The following STXBP2 variants were observed in gnomAD, a reference collection of about 807,000 sequenced individuals.
The protein encoded by STXBP2 is syntaxin binding protein 2, also known as syntaxin-binding protein 2.
A neutral mutation model predicts 72.2 loss-of-function variants in STXBP2; 47 were observed. The ratio of observed to expected loss-of-function variants is 0.65; its 90% CI spans 0.51 to 0.83. The LOEUF (loss-of-function observed/expected upper bound fraction) is 0.83, where lower values mean the gene tolerates loss of function less well. Among genes scored for constraint, STXBP2 ranks in the 40% least tolerant of loss-of-function variants. The pLI is 0.00. For missense variants in STXBP2, 702 were observed against 807.6 expected, an observed-to-expected ratio of 0.87 and a Z score of 1.58; for synonymous variants, 367 against 338.7, an observed-to-expected ratio of 1.08 and a Z score of -0.92.
At chr19:7,641,079 C>T (rs2146214396) in intron 6 of STXBP2, 76 bp downstream of exon 6, 2 of 1,502,068 alleles carry the variant, frequency 1.3e-6, no homozygotes, top group Non-Finnish European at 1.8e-6. Context: ...GAAACAGACA[C>T]TGAGGCTGGG....
At chr19:7,635,073 G>T (rs963898395), upstream of STXBP2, among the ~76,000 whole-genome samples, 3 of 152,230 alleles carry the variant, frequency 2.0e-5, no homozygotes. Flanking sequence ...ATCCTATTGT[G>T]GGGTATTGGG....
In STXBP2 at chr19:7,643,037, G is replaced by C. The variant is rs1016949074; in HGVS notation, c.1015G>C (p.Glu339Gln). The C allele has an allele frequency of 6.2e-7, 1 of 1,614,190 alleles. No individual in the cohort carries two copies. Among genetic ancestry groups the C allele is most frequent in the African/African-American group, 1.3e-5 (1 of 75,046 alleles). Residue 339 changes from glutamate to glutamine, a missense_variant, in exon 12 of 19, where the codon GAG becomes CAG. Physicochemically the swap from Glu to Gln is conservative, Grantham distance 29. Coordinates refer to ENST00000221283, the MANE Select transcript of STXBP2 (RefSeq NM_006949.4). ...ILKKMPQYQK[E>Q]LNKYSTHLHL... ...GAAAAAGATGCCGCAGTACCAGAAG[G>C]AGCTGAATAAGGTGTGCTCGGGTGG...
At chr19:7,646,980 A>G in intron 16 of STXBP2, 182 bp from the exon 17 acceptor site, 1 of 623,898 alleles carries the variant, frequency 1.6e-6, no homozygotes, top group Non-Finnish European at 2.8e-6. Context: ...TGAGTTATGG[A>G]TCTAGATTTC....
upstream of STXBP2, chr19:7,633,095 TC>T: frequency 1.7e-6 from 2 of 1,163,422 alleles, no homozygotes; most frequent in Non-Finnish European, 2.3e-6. Context: ...CCGATGCGTG[TC>T]CCGCCGTCCT....
chr19:7,646,149 C>T (rs1296125289), intron 15 of STXBP2, 100 bp from the exon 16 acceptor site: 9 of 930,192 alleles, frequency 9.7e-6, no homozygotes, highest in Non-Finnish European at 1.4e-5. Flanking sequence ...CCCATCTTTG[C>T]CTGCCATCCC....
chr19:7,630,849 A>G, the STXBP2 span: 1 of 1,537,116 alleles, frequency 6.5e-7, no homozygotes, highest in Non-Finnish European at 8.7e-7. Context: ...CTGAGAAGGT[A>G]AGTGATCTCT....
intron 4 of STXBP2, 199 bp downstream of exon 4, chr19:7,640,006 A>T (rs910849736): frequency 1.5e-6 from 1 of 677,540 alleles, no homozygotes; most frequent in Non-Finnish European, 2.6e-6. Context: ...GTGTCTATGT[A>T]TGTGTCTGTG....
chr19:7,633,065 A>G, upstream of STXBP2: 1 of 1,358,754 alleles, frequency 7.4e-7, no homozygotes, highest in South Asian at 1.5e-5. Context: ...TTCACGTGGT[A>G]CCGCTTCAAG....
chr19:7,643,318 A>C, intron 13 of STXBP2, 73 bp downstream of exon 13: 1 of 1,276,598 alleles, frequency 7.8e-7, no homozygotes, highest in Non-Finnish European at 1.1e-6. Flanking sequence ...GCTGAACTGT[A>C]GAGATGGGGG....
At chr19:7,631,407 G>C in the STXBP2 span, 2 of 863,436 alleles carry the variant, frequency 2.3e-6, no homozygotes, top group African/African-American at 1.8e-5. Context: ...GGCGGGGGGG[G>C]GTGGTCCCGG....
chr19:7,646,487 A>AG (rs140484308), intron 16 of STXBP2, 143 bp downstream of exon 16: 1 of 837,472 alleles, frequency 1.2e-6, no homozygotes, highest in Non-Finnish European at 2.0e-6. Flanking sequence ...TGCTCTGCTG[A>AG]GGGGGGCACG....
At chr19:7,633,638 C>G (rs1200556236), upstream of STXBP2, 2 of 626,850 alleles carry the variant, frequency 3.2e-6, no homozygotes, top group African/African-American at 3.7e-5. Context: ...ATTGTTTGCC[C>G]ACAACGATGC....
intron 14 of STXBP2, 113 bp from the exon 15 acceptor site, chr19:7,645,084 A>C: frequency 6.9e-7 from 1 of 1,458,608 alleles, no homozygotes; most frequent in Non-Finnish European, 9.4e-7. Flanking sequence ...GGCCCTCCCC[A>C]CTGCAAGGTT....
At position 7,647,539 on chromosome 19, in the gene STXBP2, G is replaced by A. The variant is rs34976997; in HGVS notation, c.1696+28G>A. 7 of 1,574,344 alleles carry A rather than the reference G, an allele frequency of 4.4e-6. No homozygotes were observed. The East Asian group carries it at 1.7e-4, about 37-fold the overall frequency. On this transcript the variant is annotated intron_variant, in intron 18 of 18. Transcript: ENST00000221283. ...AAGTCACCAGGACTGGGACCCTGGG[G>A]TCTGGGGCTTGGGTTCCCGGGGCCT...
rs2032124225 is a variant in STXBP2, at chr19:7,646,083, T to TG, written c.1357-166_1357-165insG. The TG allele has an allele frequency of 4.8e-6, 3 of 628,860 alleles. No homozygotes were observed. In the East Asian group the frequency reaches 8.2e-5, roughly 17 times the overall value. 39.0% of individuals were successfully genotyped at this position (628,860 alleles called of 1,614,324 possible). ...TCTCCGTCTCTCTCTGGCTCACTGT[T>TG]TCTCTCTCTCGCTTTCTTGCTGTCT... On this transcript the variant is annotated intron_variant, in intron 15 of 18. Coordinates refer to ENST00000221283, the MANE Select transcript of STXBP2 (RefSeq NM_006949.4).
Position 7,642,395 on chromosome 19 carries a change from C to T in STXBP2, c.795-34C>T, listed in dbSNP as rs2031925166. On this transcript the variant is annotated intron_variant, in intron 9 of 18. Transcript: ENST00000221283. The surrounding 1 kb of genome is among the most constrained non-coding windows in gnomAD (Gnocchi z 6.0). ...TGACCTGGTTCCCCAGTCCTCAGCT[C>T]CCCTGACCCCCAGGCTCCCTCCTTC... The T allele has an allele frequency of 6.2e-7, 1 of 1,613,406 alleles. No individual in the cohort carries two copies. Among genetic ancestry groups the T allele is most frequent in the African/African-American group, 1.3e-5 (1 of 74,896 alleles).
chr19:7,642,694 CCCT>C lies in STXBP2; in HGVS notation c.903-71_903-69del, dbSNP rs59638645. ...ATTTCACCCCACCTCTCCCTGTCCCCCCTGAGTGGGCTCACCCATGGCCTGTGG... is the reference window on the plus strand; with the variant it reads ...ATTTCACCCCACCTCTCCCTGTCCCCGAGTGGGCTCACCCATGGCCTGTGG... On this transcript the variant is annotated intron_variant, in intron 10 of 18. Coordinates refer to ENST00000221283, the MANE Select transcript of STXBP2 (RefSeq NM_006949.4). The surrounding 1 kb of genome is among the most constrained non-coding windows in gnomAD (Gnocchi z 6.0). 1.0e-3 allele frequency: 1,602 copies of C among 1,530,686 alleles called. 17 individuals are homozygous for C. In the African/African-American group the frequency reaches 0.02, roughly 19 times the overall value. The allele number at this position is 1,530,686 out of a possible 1,614,324, so 94.8% of individuals were successfully genotyped here.
intron 1 of STXBP2, 28 bp downstream of exon 1, chr19:7,637,214 G>T (rs966045686): frequency 1.6e-6 from 2 of 1,238,854 alleles, no homozygotes; most frequent in Non-Finnish European, 2.0e-6. Flanking sequence ...GCCGGGCTCT[G>T]GCGTCCGGTG....
Position 7,641,799 on chromosome 19 carries a change from A to G in STXBP2, c.524A>G (p.Gln175Arg). Residue 175 changes from glutamine (Q) to arginine (R), a missense_variant, in exon 7 of 19, where the codon CAG (glutamine) becomes CGG (arginine). Physicochemically the swap from Gln to Arg is conservative, Grantham distance 43 (BLOSUM62 1). Transcript: ENST00000221283. ...RTRQLEVLAQ[Q>R]IATLCATLQE... The stretch of plus-strand genomic sequence containing the variant: ...CGGCAGCTCGAGGTGCTGGCCCAGC[A>G]GATTGCCACGCTGTGCGCCACCCTG... 2 of 1,551,592 alleles carry G rather than the reference A, an allele frequency of 1.3e-6. No homozygotes were observed. The highest frequency in any genetic ancestry group is 2.0e-4 in the Middle Eastern group (1 of 5,032).
Sources: gnomAD v4.1 joint callset for allele counts (sites outside exome capture counted in the v4.1 genomes callset) on GRCh38, gnomAD v4.1.1 for gene constraint, Gnocchi (gnomAD v3.1) non-coding constraint, MANE v1.5 for transcripts, NCBI Gene and HGNC (gene_info 2026-07-23, HGNC 2026-07-21) for gene names.